Variants in DCDC1 observed in about 807,000 individuals in gnomAD.
DCDC1 encodes the protein doublecortin domain-containing protein 1.
Under a neutral mutation model 178.3 loss-of-function variants are expected in DCDC1, and 200 were observed. The ratio of observed to expected loss-of-function variants is 1.12; its 90% CI spans 1.00 to 1.26. The LOEUF (loss-of-function observed/expected upper bound fraction) is 1.26, where lower values mean the gene tolerates loss of function less well. Ranked by LOEUF, DCDC1 falls within the 50% of genes most tolerant of loss-of-function variation. The pLI, the probability that DCDC1 is intolerant of heterozygous loss-of-function variation, is 0.00. For synonymous variants in DCDC1, 690 were observed against 604.8 expected (o/e 1.14, Z -2.07); for missense variants, 1,983 against 1,749.2 (o/e 1.13, Z -2.38).
At chr11:31,306,167 T>G in intron 5 of DCDC1, 65 bp downstream of exon 5, 2 of 1,324,674 alleles carry the variant, frequency 1.5e-6, no homozygotes, top group Middle Eastern at 2.3e-4. Context: ...TTTTCTCATT[T>G]TTTATATTAT....
At chr11:31,145,912 A>G (rs1964394224) in intron 9 of DCDC1, among the ~76,000 whole-genome samples, 1 of 152,114 alleles carries the variant, frequency 6.6e-6, no homozygotes. Flanking sequence ...GGCTTAGTCT[A>G]TCAATACATT....
At chr11:30,946,082 G>A (rs1274221294) in intron 21 of DCDC1, among the ~76,000 whole-genome samples, 5 of 152,076 alleles carry the variant, frequency 3.3e-5, no homozygotes, top group Non-Finnish European at 7.4e-5. Flanking sequence ...GAGTTCATAT[G>A]AAAACTCAAT....
At chr11:31,364,825 A>C (rs569304025) in intron 1 of DCDC1, among the ~76,000 whole-genome samples, 1 of 151,850 alleles carries the variant, frequency 6.6e-6, no homozygotes, top group South Asian at 2.1e-4. Flanking sequence ...CTAAAGCTTT[A>C]TGTTAATCTG....
intron 18 of DCDC1, among the ~76,000 whole-genome samples, chr11:31,074,688 A>G (rs151152747): frequency 3.3e-5 from 5 of 152,322 alleles, no homozygotes; most frequent in African/African-American, 1.2e-4. Flanking sequence ...TTACAGCAGC[A>G]CAAATGAGAC....
intron 32 of DCDC1, among the ~76,000 whole-genome samples, chr11:30,902,050 A>G (rs1208220386): frequency 1.3e-5 from 2 of 152,148 alleles, no homozygotes; most frequent in African/African-American, 4.8e-5. Flanking sequence ...TTGAATATAT[A>G]TACACATATA....
Position 31,306,408 on chromosome 11 carries a change from G to GA in DCDC1, c.435-21dup. 2 of 1,573,880 alleles carry GA rather than the reference G, an allele frequency of 1.3e-6. No individual in the cohort carries two copies. Among genetic ancestry groups the GA allele is most frequent in the Admixed American group, 2.0e-5 (1 of 50,808 alleles). On this transcript the variant is annotated intron_variant, in intron 4 of 38. Transcript: ENST00000684477. ...GCAACCCTGAAGAAAAAGAAAAACA[G>GA]AAAAATTGATGCATGCTAATTAGTG...
At chr11:30,905,946 C>T (rs367852533) in intron 30 of DCDC1, among the ~76,000 whole-genome samples, 1 of 152,140 alleles carries the variant, frequency 6.6e-6, no homozygotes, top group African/African-American at 2.4e-5. Context: ...TTTTAGGAAT[C>T]GCTCCTTTTT....
chr11:31,198,355 G>A lies in DCDC1; in HGVS notation c.1221+43095C>T, dbSNP rs1306518144. Among the ~76,000 whole-genome samples, 3 of 151,944 alleles carry A rather than the reference G, an allele frequency of 2.0e-5. No individual in the cohort carries two copies. In the East Asian group the frequency reaches 5.8e-4, roughly 29 times the overall value. On this transcript the variant is annotated intron_variant, in intron 9 of 38. Transcript: ENST00000684477. ...ACTTGTCTTGAAGGGGTGATCATGG[G>A]ATTTCTCTTGAAGGCAATTTTTTGC...
chr11:30,905,190 C>T, intron 30 of DCDC1, 26 bp from the exon 31 acceptor site: 5 of 1,547,860 alleles, frequency 3.2e-6, no homozygotes, highest in Non-Finnish European at 4.4e-6. Flanking sequence ...ATAAATTGTA[C>T]ATTTACTCAA....
intron 20 of DCDC1, among the ~76,000 whole-genome samples, chr11:31,042,103 A>G (rs1391558807): frequency 6.6e-6 from 1 of 152,182 alleles, no homozygotes; most frequent in East Asian, 1.9e-4. Flanking sequence ...AAATTCTCCA[A>G]CAATGCAGGA....
intron 20 of DCDC1, among the ~76,000 whole-genome samples, chr11:30,987,566 A>C (rs1335993113): frequency 6.6e-6 from 1 of 152,164 alleles, no homozygotes; most frequent in African/African-American, 2.4e-5. Flanking sequence ...ATTTTTATGG[A>C]GTCATCAGGA....
At position 30,920,967 on chromosome 11, in the gene DCDC1, ATTAC is replaced by A. The variant is rs757685004; in HGVS notation, c.3134-36_3134-33del. On this transcript the variant is annotated intron_variant, in intron 24 of 38. Coordinates refer to ENST00000684477, the MANE Select transcript of DCDC1 (RefSeq NM_001387274.1). ...AGAAATTCACAAATTGCAAAGACAT[ATTAC>A]TTACAATTGCAGAGCATCAGGAATT... 3.8e-6 allele frequency: 6 copies of A among 1,578,402 alleles called. No individual in the cohort carries two copies. The South Asian group carries it at 7.0e-5, about 18-fold the overall frequency.
intron 16 of DCDC1, among the ~76,000 whole-genome samples, chr11:31,092,568 C>T (rs1957882154): frequency 6.6e-6 from 1 of 152,150 alleles, no homozygotes; most frequent in Non-Finnish European, 1.5e-5. Context: ...AGTAACTTTC[C>T]CAATGTCACA....
rs201895056 is a variant in DCDC1 at position 31,218,597 on chromosome 11, T to G, written c.1221+22853A>C. ...GCAGAGAGCTTCCAGAACTAAATTT[T>G]ATCTTTTATGACATCAGCATAAATA... On this transcript the variant is annotated intron_variant, in intron 9 of 38. Coordinates refer to ENST00000684477, the MANE Select transcript of DCDC1 (RefSeq NM_001387274.1). Among the ~76,000 whole-genome samples, 13 of 152,324 alleles carry G rather than the reference T, an allele frequency of 8.5e-5. No individual in the cohort carries two copies. In the East Asian group the frequency reaches 2.5e-3, roughly 29 times the overall value.
intron 21 of DCDC1, among the ~76,000 whole-genome samples, chr11:30,945,697 AATCTATCT>A (rs57930562): frequency 0.14 from 20,195 of 146,618 alleles, 1,658 homozygotes; most frequent in East Asian, 0.34. Context: ...CCATCTCAAA[AATCTATCT>A]ATCTATCTAT....
intron 13 of DCDC1, 143 bp downstream of exon 13, chr11:31,106,654 C>T (rs1272438353): frequency 1.6e-6 from 1 of 639,396 alleles, no homozygotes; most frequent in Non-Finnish European, 2.8e-6. Context: ...ACAATACTGC[C>T]TTGCAAAAAC....
At chr11:31,024,128 T>G (rs1953071911) in intron 20 of DCDC1, among the ~76,000 whole-genome samples, 1 of 152,008 alleles carries the variant, frequency 6.6e-6, no homozygotes, top group African/African-American at 2.4e-5. Flanking sequence ...GACCTAAATA[T>G]CTATCTATAG....
At chr11:30,985,275 A>G (rs1950582248) in intron 20 of DCDC1, among the ~76,000 whole-genome samples, 1 of 152,162 alleles carries the variant, frequency 6.6e-6, no homozygotes, top group Non-Finnish European at 1.5e-5. Flanking sequence ...ATCATGTGTG[A>G]GCAGGTCCAG....
At chr11:31,350,673 G>T (rs1951025384) in intron 1 of DCDC1, among the ~76,000 whole-genome samples, 1 of 152,090 alleles carries the variant, frequency 6.6e-6, no homozygotes, top group Admixed American at 6.6e-5. Context: ...TATGCTCATT[G>T]TTCTGTTGTA....
Sources: allele counts gnomAD v4.1 joint callset (sites outside exome capture counted in the v4.1 genomes callset), GRCh38; gene constraint gnomAD v4.1.1; transcripts MANE v1.5; gene names NCBI Gene and HGNC (gene_info 2026-07-23, HGNC 2026-07-21).